The following GNPTAB variants were observed in gnomAD, a reference collection of about 807,000 sequenced individuals.
The protein encoded by GNPTAB is N-acetylglucosamine-1-phosphotransferase subunits alpha/beta.
A neutral mutation model predicts 136.6 loss-of-function variants in GNPTAB; 92 were observed. That is an observed-to-expected ratio of 0.67 (90% CI 0.57 to 0.80). GNPTAB has a LOEUF of 0.80. GNPTAB is among the 30% of genes least tolerant of loss of function. The pLI, the probability that GNPTAB is intolerant of heterozygous loss-of-function variation, is 0.00. For synonymous variants in GNPTAB, 512 were observed against 535.1 expected, an observed-to-expected ratio of 0.96 and a Z score of 0.60; for missense variants, 1,343 against 1,501.8, an observed-to-expected ratio of 0.89 and a Z score of 1.75.
chr12:101,750,514 C>T (rs1383822275), intron 19 of GNPTAB, among the ~76,000 whole-genome samples: 2 of 152,232 alleles, frequency 1.3e-5, no homozygotes, highest in East Asian at 3.8e-4. Flanking sequence ...CTGATTCACA[C>T]CATTTGTACA....
chr12:101,815,359 T>C (rs1282884046), intron 1 of GNPTAB, among the ~76,000 whole-genome samples: 2 of 152,230 alleles, frequency 1.3e-5, no homozygotes, highest in Non-Finnish European at 2.9e-5. Context: ...CACTGTTAAA[T>C]GCTAGACTGT....
chr12:101,771,144 G>C lies in GNPTAB; in HGVS notation c.785C>G (p.Ser262Ter). The C allele has an allele frequency of 6.2e-7, 1 of 1,613,174 alleles. No individual in the cohort carries two copies. Among genetic ancestry groups the C allele is most frequent in the Non-Finnish European group, 8.5e-7 (1 of 1,179,328 alleles). Reference protein sequence around the residue: ...SSKVKLLQLYSEASVALLKLN... With the variant: ...SSKVKLLQLY ...TTTTAGAAGCGCTACACTGGCCTCT[G>C]AATACAACTGCAACTATCAAATAAC... The change falls in exon 8 of 21, where the codon TCA becomes TGA. Residue 262 changes from serine to a stop codon, truncating the protein, a stop_gained. Transcript: ENST00000299314. LOFTEE classifies it high-confidence loss of function.
chr12:101,814,949 T>C (rs1870439524), intron 1 of GNPTAB, among the ~76,000 whole-genome samples: 1 of 152,144 alleles, frequency 6.6e-6, no homozygotes, highest in African/African-American at 2.4e-5. Context: ...AAAAGGCAAA[T>C]AATGTCCTAA....
chr12:101,812,067 C>A (rs959141212), intron 1 of GNPTAB, among the ~76,000 whole-genome samples: 6 of 151,398 alleles, frequency 4.0e-5, no homozygotes, highest in African/African-American at 1.5e-4. Context: ...GCCTGGCCAA[C>A]ATGATGAAAC....
intron 1 of GNPTAB, among the ~76,000 whole-genome samples, chr12:101,826,944 G>C (rs949136392): frequency 6.8e-6 from 1 of 146,754 alleles, no homozygotes; most frequent in Non-Finnish European, 1.5e-5. Context: ...TCTCCCTGTG[G>C]GAGTTGTTTT....
intron 1 of GNPTAB, among the ~76,000 whole-genome samples, chr12:101,813,095 A>T (rs1434479209): frequency 1.3e-5 from 2 of 151,980 alleles, no homozygotes; most frequent in African/African-American, 4.8e-5. Flanking sequence ...AGCCTCCCAA[A>T]TTGCTGGGAT....
At chr12:101,765,983 G>A (rs1953086290) in intron 12 of GNPTAB, 108 bp downstream of exon 12, 4 of 915,690 alleles carry the variant, frequency 4.4e-6, no homozygotes, top group East Asian at 2.4e-5. Flanking sequence ...GCTGGTAAAG[G>A]GATACACAGA....
In GNPTAB at chr12:101,769,526, TCTTA is replaced by T. The variant is rs1953140051; in HGVS notation, c.1284+491_1284+494del. On this transcript the variant is annotated intron_variant, in intron 10 of 20. Coordinates refer to ENST00000299314, the MANE Select transcript of GNPTAB (RefSeq NM_024312.5). ...GAAAGCAAATTTCTAACTGTAGTGT[TCTTA>T]CTTCTTAATTGCTGATTTCTGAGCT... Among the ~76,000 whole-genome samples the T allele has an allele frequency of 2.0e-5, 3 of 152,310 alleles. No homozygotes were observed. The South Asian group carries it at 6.2e-4, about 32-fold the overall frequency.
In GNPTAB at chr12:101,830,642, T is replaced by TC; in HGVS notation, c.33_34insG (p.Thr12AspfsTer43). 6.2e-7 allele frequency: 1 copy of TC among 1,608,530 alleles called. No homozygotes were observed. The highest frequency in any genetic ancestry group is 8.5e-7 in the Non-Finnish European group (1 of 1,176,542). On this transcript the variant is annotated frameshift_variant, in exon 1 of 21. Transcript: ENST00000299314. LOFTEE classifies it high-confidence loss of function. ...AGCCCATACCTGTGGGACAGGCAGG[T>TC]ATAGGTCTGTCTCTGCAGGAGCTTG...
At chr12:101,751,157 C>T (rs1952812059) in intron 19 of GNPTAB, among the ~76,000 whole-genome samples, 1 of 152,238 alleles carries the variant, frequency 6.6e-6, no homozygotes, top group Non-Finnish European at 1.5e-5. Context: ...CTTTCACAAT[C>T]TTTTTTCTCG....
chr12:101,825,880 G>A (rs1467910115), intron 1 of GNPTAB, among the ~76,000 whole-genome samples: 2 of 152,198 alleles, frequency 1.3e-5, no homozygotes, highest in Admixed American at 6.5e-5. Context: ...CCACAAGGCA[G>A]CTGGGAGTAA....
intron 17 of GNPTAB, 26 bp from the exon 18 acceptor site, chr12:101,757,336 G>C: frequency 2.3e-6 from 3 of 1,277,728 alleles, no homozygotes; most frequent in Non-Finnish European, 3.4e-6. Flanking sequence ...TATTTGAAGA[G>C]TTTAAATAAT....
chr12:101,815,570 T>C (rs1594258070), intron 1 of GNPTAB, among the ~76,000 whole-genome samples: 1 of 151,358 alleles, frequency 6.6e-6, no homozygotes, highest in East Asian at 1.9e-4. Flanking sequence ...TATGATCATG[T>C]CTGTGAATAG....
At chr12:101,824,293 C>T (rs1356213225) in intron 1 of GNPTAB, among the ~76,000 whole-genome samples, 1 of 150,908 alleles carries the variant, frequency 6.6e-6, no homozygotes. Flanking sequence ...ATGAGGAGAG[C>T]TTGCTGAGAA....
At chr12:101,820,181 A>G (rs1437465170) in intron 1 of GNPTAB, among the ~76,000 whole-genome samples, 1 of 152,252 alleles carries the variant, frequency 6.6e-6, no homozygotes, top group Admixed American at 6.5e-5. Context: ...GTTCAGTCAC[A>G]ATCAGCAACA....
At chr12:101,766,056 T>C in intron 12 of GNPTAB, 35 bp downstream of exon 12, 1 of 1,568,560 alleles carries the variant, frequency 6.4e-7, no homozygotes, top group African/African-American at 1.3e-5. Flanking sequence ...GGATGTTTTA[T>C]GCTCCCATTC....
At chr12:101,781,819 T>C (rs780432163) in intron 5 of GNPTAB, among the ~76,000 whole-genome samples, 1 of 152,208 alleles carries the variant, frequency 6.6e-6, no homozygotes, top group Non-Finnish European at 1.5e-5. Flanking sequence ...AACTTTTCTC[T>C]CTCTCTTTCC....
chr12:101,761,415 A>G (rs1952993062), intron 14 of GNPTAB, 69 bp from the exon 15 acceptor site: 2 of 1,510,528 alleles, frequency 1.3e-6, no homozygotes, highest in South Asian at 2.2e-5. Flanking sequence ...ATTTGCAGAG[A>G]TGGACTTTTT....
Position 101,753,360 on chromosome 12 carries a change from A to C in GNPTAB, c.3602+12T>G. The stretch of plus-strand genomic sequence containing the variant: ...ACCCACACACATGCATATATAAAAC[A>C]TGAGAATTTACCATTCCTGCAGCTC... On this transcript the variant is annotated intron_variant, in intron 19 of 20. Transcript: ENST00000299314. The C allele has an allele frequency of 6.2e-7, 1 of 1,605,908 alleles. No individual in the cohort carries two copies. Among genetic ancestry groups the C allele is most frequent in the Non-Finnish European group, 8.5e-7 (1 of 1,173,098 alleles).
Sources: gnomAD v4.1 joint callset for allele counts (sites outside exome capture counted in the v4.1 genomes callset) on GRCh38, gnomAD v4.1.1 for gene constraint, MANE v1.5 for transcripts, NCBI Gene and HGNC (gene_info 2026-07-23, HGNC 2026-07-21) for gene names.